Variants in BIRC6 observed in about 807,000 individuals in gnomAD.
BIRC6 encodes the protein dual E2 ubiquitin-conjugating enzyme/E3 ubiquitin-protein ligase BIRC6.
BIRC6 carries 98 observed loss-of-function variants against 503.3 expected under a neutral mutation model. That is an observed-to-expected ratio of 0.19 (90% CI 0.17 to 0.23). The LOEUF (loss-of-function observed/expected upper bound fraction) is 0.23. BIRC6 is among the 10% of genes least tolerant of loss of function. The pLI is 1.00. For synonymous variants in BIRC6, 2,240 were observed against 2,078.7 expected (o/e 1.08, Z -2.11); for missense variants, 5,360 against 5,806.0 (o/e 0.92, Z 2.50).
Position 32,415,576 on chromosome 2 carries a change from A to T in BIRC6, c.2285A>T (p.Gln762Leu). Residue 762 changes from glutamine (Q) to leucine (L), a missense_variant, in exon 10 of 74, where the codon CAA (glutamine) becomes CTA (leucine). Gln to Leu is a moderately radical substitution (Grantham distance 113, BLOSUM62 -2). This residue lies in a region of BIRC6 where 700 missense variants were observed against 739.3 expected (regional missense o/e 0.95). Coordinates refer to ENST00000421745, the MANE Select transcript of BIRC6 (RefSeq NM_016252.4). ...GTTGAATCCTTGAGTGCAATAAATC[A>T]AGTAGAGGCCTTGAATAATTTAAAT... ...CPVESLSAIN[Q>L]VEALNNLNKL... The T allele has an allele frequency of 6.2e-7, 1 of 1,613,974 alleles. No homozygotes were observed. Among genetic ancestry groups the T allele is most frequent in the Admixed American group, 1.7e-5 (1 of 60,016 alleles).
intron 66 of BIRC6, among the ~76,000 whole-genome samples, chr2:32,590,343 A>G (rs912908904): frequency 1.3e-5 from 2 of 152,244 alleles, no homozygotes; most frequent in East Asian, 1.9e-4. Context: ...ACATTTCAGC[A>G]TGTAGTCTCC....
chr2:32,570,689 G>T (rs1301208178), intron 65 of BIRC6, among the ~76,000 whole-genome samples: 1 of 150,980 alleles, frequency 6.6e-6, no homozygotes, highest in Non-Finnish European at 1.5e-5. Context: ...TAGTAGAGAT[G>T]GGTTTCACCA....
chr2:32,459,734 C>T (rs1311206629), intron 23 of BIRC6, among the ~76,000 whole-genome samples: 1 of 150,606 alleles, frequency 6.6e-6, no homozygotes, highest in African/African-American at 2.4e-5. Context: ...ATATTTAGGT[C>T]TTTGATTTCT....
chr2:32,438,750 C>T (rs1204892797), intron 15 of BIRC6, among the ~76,000 whole-genome samples: 2 of 151,646 alleles, frequency 1.3e-5, no homozygotes, highest in African/African-American at 2.4e-5. Context: ...TTGTAGTAGA[C>T]GGGGTTTCAC....
At chr2:32,358,088 G>T (rs1351339171) in intron 1 of BIRC6, among the ~76,000 whole-genome samples, 1 of 151,276 alleles carries the variant, frequency 6.6e-6, no homozygotes, top group African/African-American at 2.4e-5. Context: ...GAAGTAGGCG[G>T]GCCAGCTGCC....
rs2053338624 is a variant in BIRC6, at chr2:32,502,702, A to G, written c.9208-93A>G. 5.3e-6 allele frequency: 5 copies of G among 950,504 alleles called. No homozygotes were observed. The Admixed American group carries it at 1.3e-4, about 25-fold the overall frequency. 58.9% of individuals were successfully genotyped at this position (950,504 alleles called of 1,614,324 possible). On this transcript the variant is annotated intron_variant, in intron 47 of 73. Coordinates refer to ENST00000421745, the MANE Select transcript of BIRC6 (RefSeq NM_016252.4). ...AGCGTATTTAAGGCTGTCAGTTTAC[A>G]AAAATTAACTAGGAAGGAATATTAC...
At chr2:32,555,520 C>T (rs2058712687) in intron 65 of BIRC6, among the ~76,000 whole-genome samples, 1 of 152,050 alleles carries the variant, frequency 6.6e-6, no homozygotes, top group Admixed American at 6.5e-5. Flanking sequence ...TGCCTGTAAT[C>T]CCAGCTACTC....
In BIRC6 at chr2:32,469,406, C is replaced by A. The variant is rs766875798; in HGVS notation, c.6139C>A (p.Pro2047Thr). The change falls in exon 30 of 74, where the codon CCT (proline) becomes ACT (threonine). Residue 2047 changes from proline (P) to threonine (T), a missense_variant. Pro to Thr is a conservative substitution (Grantham distance 38). This residue lies in a region of BIRC6 where 2,299 missense variants were observed against 2,267.2 expected (regional missense o/e 1.01). Transcript: ENST00000421745. ...CTTTCTTGTAATAGGACACTCTGTT[C>A]CTGCAGTTTTGCAGAGCACATTTCA... ...LLHASNGHSV[P>T]AVLQSTFHAQ... 2.5e-6 allele frequency: 4 copies of A among 1,612,746 alleles called. No homozygotes were observed. In the South Asian group the frequency reaches 4.4e-5, roughly 18 times the overall value.
intron 25 of BIRC6, 83 bp from the exon 26 acceptor site, chr2:32,464,982 A>T: frequency 7.6e-7 from 1 of 1,312,428 alleles, no homozygotes; most frequent in South Asian, 1.4e-5. Flanking sequence ...GAAACTTATT[A>T]ATTTGCTATT....
chr2:32,381,292 C>T (rs151066902), intron 3 of BIRC6, among the ~76,000 whole-genome samples: 2 of 152,134 alleles, frequency 1.3e-5, no homozygotes, highest in African/African-American at 2.4e-5. Flanking sequence ...CAGGCTGCAG[C>T]GCAATGGCAC....
rs1164281580 is a variant in BIRC6, at chr2:32,371,223, A to C, written c.326-6365A>C. On this transcript the variant is annotated intron_variant, in intron 1 of 73. Coordinates refer to ENST00000421745, the MANE Select transcript of BIRC6 (RefSeq NM_016252.4). The stretch of plus-strand genomic sequence containing the variant: ...AGAGTGAGACCCTGTCTCAAAAAAA[A>C]AAAAAAAAAAAAAAAAAGGAAATTT... Among the ~76,000 whole-genome samples the C allele has an allele frequency of 5.0e-3, 750 of 149,652 alleles. 2 individuals carry two copies. The highest frequency in any genetic ancestry group is 0.018 in the African/African-American group (712 of 40,066).
intron 1 of BIRC6, among the ~76,000 whole-genome samples, chr2:32,375,956 C>G (rs549893184): frequency 6.6e-6 from 1 of 151,918 alleles, no homozygotes; most frequent in Admixed American, 6.6e-5. Flanking sequence ...GAGGCCCAGG[C>G]GGGCAGATCA....
chr2:32,575,313 T>C lies in BIRC6; in HGVS notation c.13302T>C (p.Gly4434=), dbSNP rs769982475. The C allele has an allele frequency of 1.2e-6, 2 of 1,614,022 alleles. No individual in the cohort carries two copies. The highest frequency in any genetic ancestry group is 1.7e-5 in the Admixed American group (1 of 60,028). ...AGTCAGAATGTCAAACTTCTGTTGG[T>C]ACATTGTTAGCCAAAATGAAGACCT... ...EEQSECQTSV[G]TLLAKMKTCV... The change falls in exon 66 of 74, where the codon GGT becomes GGC. Residue 4434 remains glycine, a synonymous_variant. Coordinates refer to ENST00000421745, the MANE Select transcript of BIRC6 (RefSeq NM_016252.4).
At chr2:32,491,903 TCTA>T (rs2051770900) in intron 44 of BIRC6, among the ~76,000 whole-genome samples, 2 of 152,136 alleles carry the variant, frequency 1.3e-5, no homozygotes, top group South Asian at 4.1e-4. Flanking sequence ...TTTGATTACT[TCTA>T]CTATCAAGAT....
intron 70 of BIRC6, chr2:32,602,721 G>A: frequency 3.0e-6 from 1 of 333,762 alleles, no homozygotes; most frequent in Non-Finnish European, 5.4e-6. Flanking sequence ...AATTAAAAAT[G>A]TTTTGCTTTT....
In BIRC6 at chr2:32,477,647, C is replaced by G. The variant is rs764316188; in HGVS notation, c.7068+64C>G. On this transcript the variant is annotated intron_variant, in intron 35 of 73. Coordinates refer to ENST00000421745, the MANE Select transcript of BIRC6 (RefSeq NM_016252.4). Reference sequence around the variant, plus strand: ...GGCGCAGTGGCTCATGCCTGTAATCCCAGCACTTTGGGAGACTGAGGTGGG... The same window carrying G: ...GGCGCAGTGGCTCATGCCTGTAATCGCAGCACTTTGGGAGACTGAGGTGGG... 3.8e-6 allele frequency: 5 copies of G among 1,328,944 alleles called. No individual in the cohort carries two copies. The East Asian group carries it at 1.2e-4, about 32-fold the overall frequency. The allele number at this position is 1,328,944 out of a possible 1,614,324, so 82.3% of individuals were successfully genotyped here.
intron 32 of BIRC6, among the ~76,000 whole-genome samples, chr2:32,471,682 A>G (rs1027458044): frequency 1.3e-5 from 2 of 152,048 alleles, no homozygotes; most frequent in Admixed American, 6.5e-5. Flanking sequence ...ATTTTTCTTT[A>G]TTTTTATTTT....
chr2:32,389,009 A>G, intron 4 of BIRC6, 66 bp downstream of exon 4: 1 of 1,057,356 alleles, frequency 9.5e-7, no homozygotes, highest in Non-Finnish European at 1.2e-6. Context: ...TAAACAAGGA[A>G]TAACTAGAAA....
Position 32,392,516 on chromosome 2 carries a change from A to G in BIRC6, c.951+366A>G, listed in dbSNP as rs111574777. On this transcript the variant is annotated intron_variant, in intron 5 of 73. Coordinates refer to ENST00000421745, the MANE Select transcript of BIRC6 (RefSeq NM_016252.4). ...GGTGATCTGCCTGCCTCGGCCTCCC[A>G]AAGTGCTGGGATTACAGGCATGCCA... Among the ~76,000 whole-genome samples, 1,355 of 152,326 alleles carry G rather than the reference A, an allele frequency of 8.9e-3. 11 individuals are homozygous for G. The highest frequency in any genetic ancestry group is 0.014 in the Non-Finnish European group (940 of 68,028).
Sources: allele counts gnomAD v4.1 joint callset (sites outside exome capture counted in the v4.1 genomes callset), GRCh38; gene constraint gnomAD v4.1.1; regional missense constraint gnomAD v4.1.1; transcripts MANE v1.5; gene names NCBI Gene and HGNC (gene_info 2026-07-23, HGNC 2026-07-21).